The following ASAP3 variants were observed in gnomAD, a reference collection of about 807,000 sequenced individuals.
The protein encoded by ASAP3 is arf-GAP with SH3 domain, ANK repeat and PH domain-containing protein 3.
Under a neutral mutation model 118.2 loss-of-function variants are expected in ASAP3, and 85 were observed. The ratio of observed to expected loss-of-function variants is 0.72; its 90% CI spans 0.60 to 0.86. ASAP3 has a LOEUF of 0.86. Among genes scored for constraint, ASAP3 ranks in the 40% least tolerant of loss-of-function variants. ASAP3 has a pLI of 0.00. For missense variants in ASAP3, 1,026 were observed against 1,175.0 expected (o/e 0.87, Z 1.85); for synonymous variants, 432 against 477.4 (o/e 0.90, Z 1.24).
chr1:23,448,390 A>G (rs1641111584), intron 5 of ASAP3, among the ~76,000 whole-genome samples: 1 of 152,216 alleles, frequency 6.6e-6, no homozygotes, highest in Non-Finnish European at 1.5e-5. Context: ...TAATAGATGC[A>G]AAGACCTTAC....
In ASAP3 at chr1:23,431,759, G is replaced by A; in HGVS notation, c.2483C>T (p.Thr828Ile). ...SEEGLREPPG[T>I]SRPSLTSGTT... ...CCCGGATGTCAGGCTGGGTCTGGAG[G>A]TGCCTGGGGGCTCTCGGAGGCCCTC... The change falls in exon 23 of 25, where the codon ACC becomes ATC. Residue 828 changes from threonine to isoleucine, a missense_variant. Transcript: ENST00000336689. 1 of 1,526,394 alleles carries A rather than the reference G, an allele frequency of 6.6e-7. No homozygotes were observed. The highest frequency in any genetic ancestry group is 2.3e-5 in the Admixed American group (1 of 43,810). 94.6% of individuals were successfully genotyped at this position (1,526,394 alleles called of 1,614,324 possible). A position where few individuals can be genotyped will look rare whatever the true frequency, so the allele number is the denominator to read the frequency against.
intron 22 of ASAP3, 123 bp downstream of exon 22, chr1:23,432,954 C>A: frequency 9.3e-7 from 1 of 1,071,156 alleles, no homozygotes; most frequent in South Asian, 1.6e-5. Context: ...AGATGAGAAC[C>A]CCTTCCTGGG....
At chr1:23,451,272 G>T (rs1473284089) in intron 5 of ASAP3, among the ~76,000 whole-genome samples, 2 of 152,170 alleles carry the variant, frequency 1.3e-5, no homozygotes, top group African/African-American at 4.8e-5. Context: ...GCATCCTGAG[G>T]TCCCTTCACA....
chr1:23,437,534 G>A lies in ASAP3; in HGVS notation c.1103-62C>T. On this transcript the variant is annotated intron_variant, in intron 12 of 24. Transcript: ENST00000336689. This position sits in a 1 kb window ranked among gnomAD's most constrained non-coding sequence, Gnocchi z 6.1. ...TGCTGCTGGCCTTCCCGGAGCCCAGGGAGCCCCCACCAAAGCCGCTGGGGC... is the reference window on the plus strand; with the variant it reads ...TGCTGCTGGCCTTCCCGGAGCCCAGAGAGCCCCCACCAAAGCCGCTGGGGC... The A allele has an allele frequency of 2.5e-6, 4 of 1,602,842 alleles. No homozygotes were observed. Among genetic ancestry groups the A allele is most frequent in the South Asian group, 1.1e-5 (1 of 89,794 alleles).
rs10664798 is a variant in ASAP3 at position 23,473,974 on chromosome 1, C to CTTTTTTTTTTTTTTTTTT, written c.129+10013_129+10030dup. ...AGGCGAAAATGGCATTAAATCTGCT[C>CTTTTTTTTTTTTTTTTTT]TTTTTTTTTTTTTTTTTTTTTTTTG... is the stretch of plus-strand genomic sequence containing the variant. On this transcript the variant is annotated intron_variant, in intron 1 of 24. Coordinates refer to ENST00000336689, the MANE Select transcript of ASAP3 (RefSeq NM_017707.4). 1.2e-3 allele frequency among the ~76,000 whole-genome samples: 88 copies of CTTTTTTTTTTTTTTTTTT among 72,104 alleles called. 6 individuals are homozygous for CTTTTTTTTTTTTTTTTTT. The highest frequency in any genetic ancestry group is 5.7e-3 in the African/African-American group (84 of 14,712). The allele number at this position is 72,104 out of a possible 152,430, so 47.3% of individuals were successfully genotyped here.
intron 1 of ASAP3, among the ~76,000 whole-genome samples, chr1:23,458,818 TA>T (rs1246576609): frequency 6.6e-6 from 1 of 151,884 alleles, no homozygotes; most frequent in Non-Finnish European, 1.5e-5. Context: ...CCTGGAAAGC[TA>T]AAAGGTGAGT....
At position 23,437,210 on chromosome 1, in the gene ASAP3, G is replaced by A. The variant is rs374050468; in HGVS notation, c.1262C>T (p.Pro421Leu). Residue 421 changes from proline (P) to leucine (L), a missense_variant, in exon 14 of 25, where the codon CCG becomes CTG. Physicochemically the swap from Pro to Leu is moderately conservative, Grantham distance 98 (BLOSUM62 -3). Transcript: ENST00000336689. The surrounding 1 kb of genome is among the most constrained non-coding windows in gnomAD (Gnocchi z 6.1). ...GATGAGCAGCTTTGTGAGGTCGTGC[G>A]GCTCCCCATCATGGCCGGCGGACCC... is the stretch of plus-strand genomic sequence containing the variant. ...SWGSAGHDGE[P>L]HDLTKLLIAE... is the part of the protein sequence containing the mutation. 5.0e-6 allele frequency: 8 copies of A among 1,603,950 alleles called. No homozygotes were observed. In the African/African-American group the frequency reaches 9.4e-5, roughly 19 times the overall value.
chr1:23,477,109 C>T (rs1211635583), intron 1 of ASAP3, among the ~76,000 whole-genome samples: 2 of 151,468 alleles, frequency 1.3e-5, no homozygotes, highest in East Asian at 2.0e-4. Context: ...CTCCACCTCC[C>T]GGGTTCAAGC....
chr1:23,446,426 T>C (rs1641047873), intron 5 of ASAP3, among the ~76,000 whole-genome samples: 1 of 143,596 alleles, frequency 7.0e-6, no homozygotes, highest in African/African-American at 2.5e-5. Context: ...AAACAATTCA[T>C]AAGTTTTTTT....
intron 5 of ASAP3, among the ~76,000 whole-genome samples, chr1:23,446,383 G>A (rs1181469800): frequency 6.6e-6 from 1 of 151,124 alleles, no homozygotes; most frequent in East Asian, 1.9e-4. Flanking sequence ...GTCAACCCCT[G>A]TCCAAAAATA....
intron 5 of ASAP3, among the ~76,000 whole-genome samples, chr1:23,446,529 C>T (rs1055324306): frequency 1.5e-4 from 22 of 151,620 alleles, no homozygotes; most frequent in Admixed American, 1.2e-3. Context: ...CCTCTGCCTC[C>T]CAGGTTCAAG....
chr1:23,436,466 C>G lies in ASAP3; in HGVS notation c.1571+94G>C. ...GCGTGAGCCACTGCGCCCAGCCTCC[C>G]CAGACTTCTGATCCAAGACTTTTCT... On this transcript the variant is annotated intron_variant, in intron 16 of 24. Transcript: ENST00000336689. The surrounding 1 kb of genome is among the most constrained non-coding windows in gnomAD (Gnocchi z 4.2). 2 of 1,438,588 alleles carry G rather than the reference C, an allele frequency of 1.4e-6. No individual in the cohort carries two copies. Among genetic ancestry groups the G allele is most frequent in the Non-Finnish European group, 1.9e-6 (2 of 1,032,690 alleles). The allele number at this position is 1,438,588 out of a possible 1,614,324, so 89.1% of individuals were successfully genotyped here. A position where few individuals can be genotyped will look rare whatever the true frequency, so the allele number is the denominator to read the frequency against.
Position 23,433,639 on chromosome 1 carries a change from T to A in ASAP3, c.2006A>T (p.Glu669Val). ...LDIARKKHHKECEELLEQAQA... is the reference protein window; with the variant it reads ...LDIARKKHHKVCEELLEQAQA... ...CCGAGTCCTCACCAGCTCCTCACAC[T>A]CCTTGTGGTGCTTCTTCCTGGCTAT... The change falls in exon 20 of 25, where the codon GAG (glutamate) becomes GTG (valine). Residue 669 changes from glutamate (E) to valine (V), a missense_variant. Physicochemically the swap from Glu to Val is moderately radical, Grantham distance 121. Coordinates refer to ENST00000336689, the MANE Select transcript of ASAP3 (RefSeq NM_017707.4). 6.2e-7 allele frequency: 1 copy of A among 1,614,196 alleles called. No homozygotes were observed. The highest frequency in any genetic ancestry group is 8.5e-7 in the Non-Finnish European group (1 of 1,180,036).
chr1:23,480,295 G>A (rs1642267448), intron 1 of ASAP3: 1 of 152,192 alleles, frequency 6.6e-6, no homozygotes, highest in South Asian at 2.1e-4. Flanking sequence ...ACCTACTGGA[G>A]GGGGTGTGTC....
In ASAP3 at chr1:23,437,388, C is replaced by CA. The variant is rs1640713654; in HGVS notation, c.1151+35dup. 1 of 1,612,384 alleles carries CA rather than the reference C, an allele frequency of 6.2e-7. No individual in the cohort carries two copies. Among genetic ancestry groups the CA allele is most frequent in the Non-Finnish European group, 8.5e-7 (1 of 1,179,094 alleles). Reference sequence around the variant, plus strand: ...AGAGATAGGGCCGCCGGCCCCCACCCACAAGGCTGGCCGGGCTGGCCGAGG... The same window carrying CA: ...AGAGATAGGGCCGCCGGCCCCCACCCAACAAGGCTGGCCGGGCTGGCCGAGG... On this transcript the variant is annotated intron_variant, in intron 13 of 24. Coordinates refer to ENST00000336689, the MANE Select transcript of ASAP3 (RefSeq NM_017707.4). The surrounding 1 kb of genome is among the most constrained non-coding windows in gnomAD (Gnocchi z 6.1).
At position 23,436,847 on chromosome 1, in the gene ASAP3, C is replaced by A; in HGVS notation, c.1476+64G>T. The A allele has an allele frequency of 6.3e-7, 1 of 1,577,822 alleles. No individual in the cohort carries two copies. The highest frequency in any genetic ancestry group is 8.6e-7 in the Non-Finnish European group (1 of 1,161,260). On this transcript the variant is annotated intron_variant, in intron 15 of 24. Transcript: ENST00000336689. This position sits in a 1 kb window ranked among gnomAD's most constrained non-coding sequence, Gnocchi z 4.2. Reference sequence around the variant, plus strand: ...CCCACCCACAACCTGCAAGCCCCGCCCCCGGATGAAACTACACCCCTAACT... The same window carrying A: ...CCCACCCACAACCTGCAAGCCCCGCACCCGGATGAAACTACACCCCTAACT...
intron 1 of ASAP3, among the ~76,000 whole-genome samples, chr1:23,464,483 G>A (rs1173386424): frequency 2.6e-5 from 4 of 151,332 alleles, no homozygotes; most frequent in Non-Finnish European, 4.4e-5. Context: ...CACTGCACCC[G>A]ACCATTACAA....
chr1:23,462,004 T>C (rs1641606256), intron 1 of ASAP3, among the ~76,000 whole-genome samples: 1 of 152,168 alleles, frequency 6.6e-6, no homozygotes, highest in Middle Eastern at 3.4e-3. Context: ...GTCACCCGAA[T>C]CACTCACAGA....
chr1:23,456,052 G>A, intron 2 of ASAP3, 26 bp from the exon 3 acceptor site: 8 of 1,614,000 alleles, frequency 5.0e-6, no homozygotes, highest in East Asian at 2.2e-5. Context: ...CGGGAGCTTG[G>A]AGTTAGCTCC....
Sources: allele counts gnomAD v4.1 joint callset (sites outside exome capture counted in the v4.1 genomes callset), GRCh38; gene constraint gnomAD v4.1.1; non-coding constraint Gnocchi (gnomAD v3.1); transcripts MANE v1.5; gene names NCBI Gene and HGNC (gene_info 2026-07-23, HGNC 2026-07-21).